The following NPAS4 variants were observed in gnomAD, a reference collection of about 807,000 sequenced individuals.
NPAS4 encodes the protein neuronal PAS domain protein 4, also known as neuronal PAS domain-containing protein 4.
NPAS4 carries 10 observed loss-of-function variants against 64.0 expected under a neutral mutation model. The ratio of observed to expected loss-of-function variants is 0.16; its 90% CI spans 0.10 to 0.26. The LOEUF (loss-of-function observed/expected upper bound fraction) is 0.26. Among genes scored for constraint, NPAS4 ranks in the 10% least tolerant of loss-of-function variants. The probability of loss-of-function intolerance (pLI) is 1.00; values close to 1 mark genes in which losing one functional copy is unlikely to be tolerated. For synonymous variants in NPAS4, 441 were observed against 411.7 expected (o/e 1.07, Z -0.86); for missense variants, 886 against 992.6 (o/e 0.89, Z 1.44).
chr11:66,426,109 C>A lies in NPAS4; in HGVS notation c.*120C>A. 1.5e-6 allele frequency: 1 copy of A among 649,390 alleles called. No homozygotes were observed. Among genetic ancestry groups the A allele is most frequent in the Non-Finnish European group, 2.8e-6 (1 of 357,286 alleles). 40.2% of individuals were successfully genotyped at this position (649,390 alleles called of 1,614,324 possible). ...GGGCCAGAGGGGGATATATATGATTCCCCAGGCCCTGCAGGATTTTGGGGG... is the reference window on the plus strand; with the variant it reads ...GGGCCAGAGGGGGATATATATGATTACCCAGGCCCTGCAGGATTTTGGGGG... On this transcript the variant is annotated 3_prime_UTR_variant, in exon 8 of 8. Coordinates refer to ENST00000311034, the MANE Select transcript of NPAS4 (RefSeq NM_178864.4).
Position 66,425,365 on chromosome 11 carries a change from T to C in NPAS4, c.2380+95T>C, listed in dbSNP as rs1856823814. 3 of 639,466 alleles carry C rather than the reference T, an allele frequency of 4.7e-6. No homozygotes were observed. The Admixed American group carries it at 1.1e-4, about 23-fold the overall frequency. 39.6% of individuals were successfully genotyped at this position (639,466 alleles called of 1,614,324 possible). On this transcript the variant is annotated intron_variant, in intron 7 of 7. Transcript: ENST00000311034. ...AAATCAATTCCCCCTCTCTGTACAT[T>C]GATTTTATTAAGGGGATGACATCCC...
In NPAS4 at chr11:66,424,270, T is replaced by A. The variant is rs759913943; in HGVS notation, c.1380T>A (p.Thr460=). The A allele has an allele frequency of 1.2e-5, 19 of 1,613,962 alleles. No individual in the cohort carries two copies. Among genetic ancestry groups the A allele is most frequent in the Admixed American group, 1.7e-5 (1 of 60,000 alleles). Residue 460 remains threonine (T), a synonymous_variant, in exon 7 of 8, where the codon ACT becomes ACA. Coordinates refer to ENST00000311034, the MANE Select transcript of NPAS4 (RefSeq NM_178864.4). ...TPSSTLQEQL[T]PSTATFSDQL... ...CCAGCACTCTTCAAGAACAGCTGAC[T>A]CCAAGCACTGCGACCTTCTCTGATC... is the stretch of plus-strand genomic sequence containing the variant.
chr11:66,422,133 G>A lies in NPAS4; in HGVS notation c.189G>A (p.Ala63=). 1.2e-6 allele frequency: 2 copies of A among 1,613,908 alleles called. No homozygotes were observed. Among genetic ancestry groups the A allele is most frequent in the Non-Finnish European group, 8.5e-7 (1 of 1,180,002 alleles). The change falls in exon 2 of 8, where the codon GCG becomes GCA. Residue 63 remains alanine, a synonymous_variant. Transcript: ENST00000311034. ...CTCGCCCTACAGGCACTCCTCTGGC[G>A]GGCCCCACGGGGCTTCTCTCAGCTC... ...GVFFAGGTPL[A]GPTGLLSAQE...
chr11:66,425,080 T>A lies in NPAS4; in HGVS notation c.2190T>A (p.Asp730Glu). The change falls in exon 7 of 8, where the codon GAT (aspartate) becomes GAA (glutamate). Residue 730 changes from aspartate to glutamate, a missense_variant. This residue lies in a region of NPAS4 where 820 missense variants were observed against 855.5 expected (regional missense o/e 0.96). Coordinates refer to ENST00000311034, the MANE Select transcript of NPAS4 (RefSeq NM_178864.4). ...PDPSEEWGSG[D>E]PEAEGPGGAP... is the part of the protein sequence containing the mutation. ...CCAGTGAGGAATGGGGCTCAGGGGA[T>A]CCTGAGGCAGAGGGCCCAGGAGGGG... The A allele has an allele frequency of 1.2e-6, 2 of 1,603,622 alleles. No homozygotes were observed. Among genetic ancestry groups the A allele is most frequent in the Admixed American group, 1.7e-5 (1 of 57,636 alleles).
chr11:66,424,753 C>G lies in NPAS4; in HGVS notation c.1863C>G (p.Phe621Leu), dbSNP rs1325762107. ...AGGCCTCTCCAGTCAAGCAGAGTTT[C>G]TTCCACTACTCTGAAAAGGAGCAGA... The part of the protein sequence containing the change: ...TPEASPVKQS[F>L]FHYSEKEQNE... The change falls in exon 7 of 8, where the codon TTC (phenylalanine) becomes TTG (leucine). Residue 621 changes from phenylalanine (F) to leucine (L), a missense_variant. Around this residue, in one of 3 missense-constraint regions of NPAS4, gnomAD observed 820 missense variants for 855.5 expected, o/e 0.96. Coordinates refer to ENST00000311034, the MANE Select transcript of NPAS4 (RefSeq NM_178864.4). 6.2e-7 allele frequency: 1 copy of G among 1,614,034 alleles called. No homozygotes were observed. Among genetic ancestry groups the G allele is most frequent in the East Asian group, 2.2e-5 (1 of 44,878 alleles).
In NPAS4 at chr11:66,421,113, C is replaced by A; in HGVS notation, c.-67C>A. 7.2e-7 allele frequency: 1 copy of A among 1,396,166 alleles called. No homozygotes were observed. The allele number at this position is 1,396,166 out of a possible 1,614,324, so 86.5% of individuals were successfully genotyped here. On this transcript the variant is annotated 5_prime_UTR_variant, in exon 1 of 8. Transcript: ENST00000311034. ...GACGGGGAAGCACGGAGGAGGAAGC[C>A]GCCGGTGCGTCGGGACGGGAGCGCA...
intron 1 of NPAS4, 49 bp from the exon 2 acceptor site, chr11:66,422,071 T>C: frequency 6.4e-7 from 1 of 1,568,664 alleles, no homozygotes; most frequent in Non-Finnish European, 8.7e-7. Flanking sequence ...TCACTTCTTC[T>C]CTGCCTCCCA....
chr11:66,412,805 TCTC>T, the NPAS4 span, among the ~76,000 whole-genome samples: 13 of 152,158 alleles, frequency 8.5e-5, no homozygotes, highest in East Asian at 2.5e-3. Context: ...CAGCCCAGAT[TCTC>T]CTCCCCCGCC....
chr11:66,423,126 C>T lies in NPAS4; in HGVS notation c.702C>T (p.Val234=). 4 of 1,602,056 alleles carry T rather than the reference C, an allele frequency of 2.5e-6. No homozygotes were observed. Among genetic ancestry groups the T allele is most frequent in the Non-Finnish European group, 3.4e-6 (4 of 1,171,426 alleles). Residue 234 remains valine, a synonymous_variant, in exon 5 of 8, where the codon GTC becomes GTT. Transcript: ENST00000311034. ...DLALLDISES[V]LIYLGFERSE... ...CTCACCCTTTCCACCTTCCCAGTGT[C>T]CTAATCTACCTGGGCTTTGAGCGCA...
Position 66,422,955 on chromosome 11 carries a change from G to A in NPAS4, c.698+14G>A. The A allele has an allele frequency of 6.3e-7, 1 of 1,599,788 alleles. No individual in the cohort carries two copies. Among genetic ancestry groups the A allele is most frequent in the Non-Finnish European group, 8.5e-7 (1 of 1,177,636 alleles). ...CATCTCCGAGAGGTAAGCCTGGAGT[G>A]TTCAGATTCCAAGAGAAAGGCAGGC... On this transcript the variant is annotated intron_variant, in intron 4 of 7. Transcript: ENST00000311034.
chr11:66,426,179 A>G lies in NPAS4; in HGVS notation c.*190A>G. On this transcript the variant is annotated 3_prime_UTR_variant, in exon 8 of 8. Coordinates refer to ENST00000311034, the MANE Select transcript of NPAS4 (RefSeq NM_178864.4). ...GGGAGGGGAGCTTCTTTTTAAAATC[A>G]AGAGACTTCGAGCGATCCCAGTTTC... The G allele has an allele frequency of 1.7e-6, 1 of 575,334 alleles. No individual in the cohort carries two copies. Among genetic ancestry groups the G allele is most frequent in the Non-Finnish European group, 3.1e-6 (1 of 320,220 alleles). 35.6% of individuals were successfully genotyped at this position (575,334 alleles called of 1,614,324 possible). A position where few individuals can be genotyped will look rare whatever the true frequency, so the allele number is the denominator to read the frequency against.
At position 66,424,240 on chromosome 11, in the gene NPAS4, C is replaced by T; in HGVS notation, c.1350C>T (p.Thr450=). The T allele has an allele frequency of 6.2e-7, 1 of 1,614,106 alleles. No homozygotes were observed. Among genetic ancestry groups the T allele is most frequent in the East Asian group, 2.2e-5 (1 of 44,870 alleles). The change falls in exon 7 of 8, where the codon ACC becomes ACT. Residue 450 remains threonine, a synonymous_variant. Coordinates refer to ENST00000311034, the MANE Select transcript of NPAS4 (RefSeq NM_178864.4). ...AGCCCTTCCAGACCCATTTGCCCAC[C>T]CCATCCAGCACTCTTCAAGAACAGC... The part of the protein sequence containing the change: ...LHEPFQTHLP[T]PSSTLQEQLT...
Position 66,421,128 on chromosome 11 carries a change from A to T in NPAS4, c.-52A>T, listed in dbSNP as rs915905360. ...AGGAGGAAGCCGCCGGTGCGTCGGG[A>T]CGGGAGCGCAGGTGCTCGGGCACCC... is the stretch of plus-strand genomic sequence containing the variant. On this transcript the variant is annotated 5_prime_UTR_variant, in exon 1 of 8. Coordinates refer to ENST00000311034, the MANE Select transcript of NPAS4 (RefSeq NM_178864.4). The T allele has an allele frequency of 2.0e-6, 3 of 1,506,716 alleles. No homozygotes were observed. In the African/African-American group the frequency reaches 4.2e-5, roughly 21 times the overall value. The allele number at this position is 1,506,716 out of a possible 1,614,324, so 93.3% of individuals were successfully genotyped here.
upstream of NPAS4, among the ~76,000 whole-genome samples, chr11:66,416,381 G>A (rs753640314): frequency 7.9e-5 from 12 of 152,174 alleles, no homozygotes; most frequent in Admixed American, 1.3e-4. Flanking sequence ...GAGGAAACAA[G>A]GAATCCCTTT....
At position 66,423,157 on chromosome 11, in the gene NPAS4, C is replaced by A; in HGVS notation, c.733C>A (p.Leu245Met). 6.2e-7 allele frequency: 1 copy of A among 1,611,666 alleles called. No homozygotes were observed. Among genetic ancestry groups the A allele is most frequent in the Non-Finnish European group, 8.5e-7 (1 of 1,178,728 alleles). The change falls in exon 5 of 8, where the codon CTG becomes ATG. Residue 245 changes from leucine to methionine, a missense_variant. Leu to Met is a conservative substitution (Grantham distance 15). Coordinates refer to ENST00000311034, the MANE Select transcript of NPAS4 (RefSeq NM_178864.4). ...CTACCTGGGCTTTGAGCGCAGTGAA[C>A]TGCTTTGTAAATCATGGTATGGACT... is the stretch of plus-strand genomic sequence containing the variant. ...LIYLGFERSELLCKSWYGLLH... is the reference protein window; with the variant it reads ...LIYLGFERSEMLCKSWYGLLH...
upstream of NPAS4, among the ~76,000 whole-genome samples, chr11:66,418,482 G>T (rs1049346314): frequency 7.2e-5 from 11 of 152,106 alleles, no homozygotes; most frequent in Non-Finnish European, 1.6e-4. Context: ...CACGGAGGTG[G>T]GAGGCAAGGG....
At chr11:66,423,519 TG>T in intron 5 of NPAS4, 58 bp from the exon 6 acceptor site, 1 of 1,598,920 alleles carries the variant, frequency 6.3e-7, no homozygotes, top group Non-Finnish European at 8.5e-7. Flanking sequence ...TGACCAAGGG[TG>T]GGGAGTAGGT....
chr11:66,422,821 C>G lies in NPAS4; in HGVS notation c.578C>G (p.Ala193Gly). The G allele has an allele frequency of 6.2e-7, 1 of 1,614,102 alleles. No homozygotes were observed. The highest frequency in any genetic ancestry group is 8.5e-7 in the Non-Finnish European group (1 of 1,180,038). ...AGNPVFTAFC[A>G]PLEPRPRPGP... ...AATCCCGTGTTCACAGCTTTCTGTG[C>G]CCCTCTGGAGCCGAGACCCCGCCCA... Residue 193 changes from alanine to glycine, a missense_variant, in exon 4 of 8, where the codon GCC (alanine) becomes GGC (glycine). Coordinates refer to ENST00000311034, the MANE Select transcript of NPAS4 (RefSeq NM_178864.4).
At chr11:66,412,605 C>G in the NPAS4 span, among the ~76,000 whole-genome samples, 1 of 152,340 alleles carries the variant, frequency 6.6e-6, no homozygotes, top group African/African-American at 2.4e-5. Flanking sequence ...TTCTTGTGCT[C>G]CTTTTATGCA....
Sources: allele counts gnomAD v4.1 joint callset (sites outside exome capture counted in the v4.1 genomes callset), GRCh38; gene constraint gnomAD v4.1.1; regional missense constraint gnomAD v4.1.1; transcripts MANE v1.5; gene names NCBI Gene and HGNC (gene_info 2026-07-23, HGNC 2026-07-21).